Variants in PTPRN2 observed in about 807,000 individuals in gnomAD.
PTPRN2 encodes protein tyrosine phosphatase receptor type N2, also known as receptor-type tyrosine-protein phosphatase N2.
In PTPRN2, 74 loss-of-function variants were observed where a neutral mutation model predicts 118.8. That is an observed-to-expected ratio of 0.62 (90% CI 0.52 to 0.76). The LOEUF (loss-of-function observed/expected upper bound fraction) is 0.76, where lower values mean the gene tolerates loss of function less well. Ranked by LOEUF, PTPRN2 falls within the 30% of genes least tolerant of loss-of-function variation. PTPRN2 has a pLI of 0.00. For missense variants in PTPRN2, 1,481 were observed against 1,394.4 expected, an observed-to-expected ratio of 1.06 and a Z score of -0.99; for synonymous variants, 641 against 608.0, an observed-to-expected ratio of 1.05 and a Z score of -0.80.
rs1350102122 is a variant in PTPRN2, at chr7:158,015,460, A to T, written c.1723+65838T>A. ...AAAGTGAGAGGAGGGGTGGTGAGAG[A>T]GAGAGAGAGAGGAAGAGAGGGAGAG... On this transcript the variant is annotated intron_variant, in intron 11 of 22. Coordinates refer to ENST00000389418, the MANE Select transcript of PTPRN2 (RefSeq NM_002847.5). The surrounding 1 kb of genome is among the most constrained non-coding windows in gnomAD (Gnocchi z 4.2). 1.3e-5 allele frequency among the ~76,000 whole-genome samples: 2 copies of T among 149,832 alleles called. No homozygotes were observed. Among genetic ancestry groups the T allele is most frequent in the Non-Finnish European group, 3.0e-5 (2 of 67,570 alleles).
At chr7:157,989,579 C>G (rs901375690) in intron 11 of PTPRN2, among the ~76,000 whole-genome samples, 1 of 151,412 alleles carries the variant, frequency 6.6e-6, no homozygotes. Context: ...CTTTCTGCAC[C>G]GCTCTGACCA....
rs924181005 is a variant in PTPRN2 at position 157,977,937 on chromosome 7, C to T, written c.1724-79200G>A. On this transcript the variant is annotated intron_variant, in intron 11 of 22. Coordinates refer to ENST00000389418, the MANE Select transcript of PTPRN2 (RefSeq NM_002847.5). The surrounding 1 kb of genome is among the most constrained non-coding windows in gnomAD (Gnocchi z 4.6). ...GTGTCTGTGGGCCGGCAGGACTCAC[C>T]GCCGCAGGCAGCAGGCTCAGGCACC... 2.0e-5 allele frequency among the ~76,000 whole-genome samples: 3 copies of T among 151,774 alleles called. No homozygotes were observed. The highest frequency in any genetic ancestry group is 2.9e-5 in the Non-Finnish European group (2 of 67,894).
At chr7:158,151,072 C>CACCGCCCGCCTT in intron 6 of PTPRN2, among the ~76,000 whole-genome samples, 1 of 98,220 alleles carries the variant, frequency 1.0e-5, no homozygotes, top group Non-Finnish European at 2.2e-5. Flanking sequence ...CGCCTTTCCA[C>CACCGCCCGCCTT]TCTTGCCCCT....
At chr7:158,281,769 T>C (rs1192857234) in intron 3 of PTPRN2, among the ~76,000 whole-genome samples, 2 of 152,190 alleles carry the variant, frequency 1.3e-5, no homozygotes, top group Non-Finnish European at 2.9e-5. Context: ...TCCCCATCCA[T>C]GCTCCTAGAA....
At chr7:158,309,790 T>G (rs1444760833) in intron 3 of PTPRN2, among the ~76,000 whole-genome samples, 5 of 152,128 alleles carry the variant, frequency 3.3e-5, no homozygotes, top group Admixed American at 2.6e-4. Flanking sequence ...AGAATACACA[T>G]GCTATGATAC....
At chr7:157,601,155 C>T (rs2150576549) in intron 16 of PTPRN2, among the ~76,000 whole-genome samples, 2 of 152,210 alleles carry the variant, frequency 1.3e-5, no homozygotes, top group East Asian at 3.9e-4. Flanking sequence ...TCTCAGACAA[C>T]CTACGAGGGA....
At chr7:158,547,789 T>C (rs2129449973) in intron 1 of PTPRN2, among the ~76,000 whole-genome samples, 1 of 152,318 alleles carries the variant, frequency 6.6e-6, no homozygotes, top group South Asian at 2.1e-4. Flanking sequence ...CACCTGGCCT[T>C]TGAGGCTGAA....
In PTPRN2 at chr7:157,734,071, C is replaced by T. The variant is rs574773850; in HGVS notation, c.1789-51134G>A. Among the ~76,000 whole-genome samples the T allele has an allele frequency of 2.0e-3, 188 of 95,032 alleles. 27 individuals are homozygous for T. The highest frequency in any genetic ancestry group is 1.9e-3 in the Non-Finnish European group (89 of 46,014). 62.3% of individuals were successfully genotyped at this position (95,032 alleles called of 152,430 possible). ...TGCGCCCAGCACAGTTACCCTTTTCCGTCCCATGCACCCAGCACAGTTACC... is the reference window on the plus strand; with the variant it reads ...TGCGCCCAGCACAGTTACCCTTTTCTGTCCCATGCACCCAGCACAGTTACC... On this transcript the variant is annotated intron_variant, in intron 12 of 22. Transcript: ENST00000389418.
intron 2 of PTPRN2, among the ~76,000 whole-genome samples, chr7:158,459,706 A>G (rs1381531926): frequency 6.6e-6 from 1 of 152,120 alleles, no homozygotes; most frequent in Non-Finnish European, 1.5e-5. Context: ...CCGTTTCTCC[A>G]TCATAGAACC....
At chr7:158,167,928 T>C (rs1823178389) in intron 5 of PTPRN2, among the ~76,000 whole-genome samples, 1 of 152,274 alleles carries the variant, frequency 6.6e-6, no homozygotes, top group Non-Finnish European at 1.5e-5. Context: ...TTTGCTTTTT[T>C]CTACCTTTTG....
In PTPRN2 at chr7:157,539,522, T is replaced by C. The variant is rs1797911899; in HGVS notation, c.*1192A>G. ...GTCCTATTTCTGGGGTAGGGGGTGA[T>C]GGCGAATCGGATACTCAAATGTTAT... On this transcript the variant is annotated 3_prime_UTR_variant, in exon 23 of 23. Transcript: ENST00000389418. 6.6e-6 allele frequency: 1 copy of C among 152,228 alleles called. No homozygotes were observed. Among genetic ancestry groups the C allele is most frequent in the Admixed American group, 6.5e-5 (1 of 15,292 alleles). The allele number at this position is 152,228 out of a possible 1,614,324, so 9.4% of individuals were successfully genotyped here. A position where few individuals can be genotyped will look rare whatever the true frequency, so the allele number is the denominator to read the frequency against.
rs1477097064 is a variant in PTPRN2, at chr7:157,929,629, C to G, written c.1724-30892G>C. Among the ~76,000 whole-genome samples the G allele has an allele frequency of 6.6e-6, 1 of 152,058 alleles. No individual in the cohort carries two copies. The highest frequency in any genetic ancestry group is 1.5e-5 in the Non-Finnish European group (1 of 67,994). On this transcript the variant is annotated intron_variant, in intron 11 of 22. Transcript: ENST00000389418. This position sits in a 1 kb window ranked among gnomAD's most constrained non-coding sequence, Gnocchi z 4.4. ...CAGGCAGTCTTCCCCCTCATTAAAT[C>G]AAATTTATTCCCAATCCTCTGATCT...
At chr7:157,727,879 C>T (rs1392193209) in intron 12 of PTPRN2, among the ~76,000 whole-genome samples, 1 of 152,198 alleles carries the variant, frequency 6.6e-6, no homozygotes, top group Non-Finnish European at 1.5e-5. Context: ...TCTGTGGGGC[C>T]TGCACTGCTG....
chr7:157,682,853 A>C lies in PTPRN2; in HGVS notation c.1873T>G (p.Cys625Gly). Residue 625 changes from cysteine (C) to glycine (G), a missense_variant, in exon 13 of 23, where the codon TGC (cysteine) becomes GGC (glycine). Transcript: ENST00000389418. ...FIALTLVSLA[C>G]ILGVLLASGL... ...GAGGCCAGGAGGACGCCCAGGATGC[A>C]GGCGAGGGAGACCAGGGTGAGCGCG... is the stretch of plus-strand genomic sequence containing the variant. 6.2e-7 allele frequency: 1 copy of C among 1,613,990 alleles called. No individual in the cohort carries two copies. Among genetic ancestry groups the C allele is most frequent in the Non-Finnish European group, 8.5e-7 (1 of 1,179,928 alleles).
intron 3 of PTPRN2, among the ~76,000 whole-genome samples, chr7:158,262,034 G>C (rs1797437717): frequency 6.6e-6 from 1 of 152,144 alleles, no homozygotes; most frequent in African/African-American, 2.4e-5. Context: ...TGGTTCCCAG[G>C]TGCCAGTGGC....
chr7:157,744,391 G>A lies in PTPRN2; in HGVS notation c.1789-61454C>T, dbSNP rs569176509. 5.3e-5 allele frequency among the ~76,000 whole-genome samples: 8 copies of A among 152,260 alleles called. No homozygotes were observed. In the South Asian group the frequency reaches 8.3e-4, roughly 16 times the overall value. ...GAACTGGGGACCCGACCTGGCGCCC[G>A]TTCAACAGACCCAAGCCTCCCATCC... On this transcript the variant is annotated intron_variant, in intron 12 of 22. Transcript: ENST00000389418.
chr7:158,327,368 C>A lies in PTPRN2; in HGVS notation c.164-10436G>T, dbSNP rs564059297. ...ATGCTCACACATGTACACATTGTCA[C>A]ACACACATTATCACATGCACACACA... On this transcript the variant is annotated intron_variant, in intron 2 of 22. Coordinates refer to ENST00000389418, the MANE Select transcript of PTPRN2 (RefSeq NM_002847.5). Among the ~76,000 whole-genome samples, 857 of 129,874 alleles carry A rather than the reference C, an allele frequency of 6.6e-3. 24 individuals carry two copies. The highest frequency in any genetic ancestry group is 8.0e-3 in the Non-Finnish European group (460 of 57,366). The allele number at this position is 129,874 out of a possible 152,430, so 85.2% of individuals were successfully genotyped here.
At chr7:157,799,500 C>T (rs1805093482) in intron 12 of PTPRN2, among the ~76,000 whole-genome samples, 1 of 152,116 alleles carries the variant, frequency 6.6e-6, no homozygotes, top group African/African-American at 2.4e-5. Flanking sequence ...GGGCTCCCTC[C>T]TCACCTTGGG....
chr7:157,563,579 G>A (rs867484508), intron 21 of PTPRN2, among the ~76,000 whole-genome samples: 10 of 134,538 alleles, frequency 7.4e-5, no homozygotes, highest in African/African-American at 1.7e-4. Context: ...TCAGGACCAC[G>A]TGCTCCCGCA....
Sources: gnomAD v4.1 joint callset for allele counts (sites outside exome capture counted in the v4.1 genomes callset) on GRCh38, gnomAD v4.1.1 for gene constraint, Gnocchi (gnomAD v3.1) non-coding constraint, MANE v1.5 for transcripts, NCBI Gene and HGNC (gene_info 2026-07-23, HGNC 2026-07-21) for gene names.